Variants in UNC13A observed in about 807,000 individuals in gnomAD.
UNC13A encodes unc-13 homolog A.
Under a neutral mutation model 219.7 loss-of-function variants are expected in UNC13A, and 61 were observed. The observed-to-expected ratio is 0.28, with a 90% confidence interval of 0.23 to 0.34. UNC13A has a LOEUF of 0.34. Among genes scored for constraint, UNC13A ranks in the 10% least tolerant of loss-of-function variants. UNC13A has a pLI of 1.00. For missense variants in UNC13A, 1,476 were observed against 2,270.3 expected (o/e 0.65, Z 7.11); for synonymous variants, 920 against 884.6 (o/e 1.04, Z -0.71).
chr19:17,635,229 G>A (rs2076901190), intron 26 of UNC13A, among the ~76,000 whole-genome samples: 1 of 151,872 alleles, frequency 6.6e-6, no homozygotes, highest in African/African-American at 2.4e-5. Context: ...TCAAACTCCT[G>A]ACCTCAAATG....
intron 29 of UNC13A, 114 bp downstream of exon 29, chr19:17,630,540 A>G (rs1265949234): frequency 7.9e-7 from 1 of 1,259,114 alleles, no homozygotes; most frequent in Non-Finnish European, 1.1e-6. Context: ...AACCATGAGC[A>G]AGACAAAGAT....
At chr19:17,619,624 G>A (rs1052240732) in intron 38 of UNC13A, among the ~76,000 whole-genome samples, 2 of 151,896 alleles carry the variant, frequency 1.3e-5, no homozygotes, top group African/African-American at 4.8e-5. Flanking sequence ...ATAGAGATGG[G>A]GTCTTGTTGT....
chr19:17,657,939 C>CCTGGATGGGTGAATTCTGCCCTT lies in UNC13A; in HGVS notation c.767+100_767+122dup, dbSNP rs1229877915. 1.7e-5 allele frequency: 17 copies of CCTGGATGGGTGAATTCTGCCCTT among 986,882 alleles called. No individual in the cohort carries two copies. The African/African-American group carries it at 2.3e-4, about 13-fold the overall frequency. The allele number at this position is 986,882 out of a possible 1,614,324, so 61.1% of individuals were successfully genotyped here. Reference sequence around the variant, plus strand: ...CACAAGAAAATGTGAATTCTGCCCTCCTGGATGGGTGAATTCTGCCCTTCT... The same window carrying CCTGGATGGGTGAATTCTGCCCTT: ...CACAAGAAAATGTGAATTCTGCCCTCCTGGATGGGTGAATTCTGCCCTTCTGGATGGGTGAATTCTGCCCTTCT... On this transcript the variant is annotated intron_variant, in intron 9 of 43. Coordinates refer to ENST00000519716, the MANE Select transcript of UNC13A (RefSeq NM_001080421.3).
At chr19:17,669,514 G>A in intron 5 of UNC13A, 39 bp downstream of exon 5, 1 of 1,604,654 alleles carries the variant, frequency 6.2e-7, no homozygotes, top group Middle Eastern at 1.7e-4. Context: ...CCACAACTGG[G>A]GCTGGGGCTG....
At chr19:17,667,351 CTG>C (rs1276047376) in intron 6 of UNC13A, among the ~76,000 whole-genome samples, 3 of 152,174 alleles carry the variant, frequency 2.0e-5, no homozygotes, top group Non-Finnish European at 2.9e-5. Context: ...CCGTTAGGTA[CTG>C]TGTTTACAAT....
intron 1 of UNC13A, among the ~76,000 whole-genome samples, chr19:17,686,640 G>A (rs1046804398): frequency 6.6e-6 from 1 of 151,940 alleles, no homozygotes; most frequent in Admixed American, 6.6e-5. Flanking sequence ...TTTGACTCTA[G>A]GGACCCTTCT....
intron 33 of UNC13A, 111 bp from the exon 34 acceptor site, chr19:17,626,896 G>T: frequency 7.0e-7 from 1 of 1,421,866 alleles, no homozygotes; most frequent in Non-Finnish European, 9.3e-7. Context: ...ACATAACCGA[G>T]CAAGAATGGA....
chr19:17,638,338 C>T (rs567425916), intron 25 of UNC13A, among the ~76,000 whole-genome samples: 4 of 152,028 alleles, frequency 2.6e-5, no homozygotes, highest in East Asian at 1.9e-4. Flanking sequence ...CATGGTGGTG[C>T]GTGCCTATAG....
chr19:17,652,507 C>A, intron 12 of UNC13A, 124 bp downstream of exon 12: 1 of 1,234,444 alleles, frequency 8.1e-7, no homozygotes, highest in Non-Finnish European at 1.2e-6. Flanking sequence ...TTTGCCCAAG[C>A]TCAATCTGTC....
chr19:17,618,239 C>T (rs7245792), intron 40 of UNC13A, among the ~76,000 whole-genome samples, 182 bp downstream of exon 40: 2,311 of 152,344 alleles, frequency 0.015, 71 homozygotes, highest in African/African-American at 0.052. Context: ...CAGTCTTCCC[C>T]GACCTGGGGC....
At chr19:17,619,093 G>A (rs1452394701) in intron 38 of UNC13A, 131 bp from the exon 39 acceptor site, 5 of 821,436 alleles carry the variant, frequency 6.1e-6, no homozygotes, top group South Asian at 1.5e-5. Flanking sequence ...ACAGAGGTCT[G>A]GAATTCCCCA....
chr19:17,652,389 C>T (rs2079365272), intron 12 of UNC13A, among the ~76,000 whole-genome samples: 1 of 152,192 alleles, frequency 6.6e-6, no homozygotes, highest in Non-Finnish European at 1.5e-5. Context: ...GCCTCGGCCT[C>T]CCAAAGTGCT....
chr19:17,677,009 T>G (rs1294633892), intron 1 of UNC13A, among the ~76,000 whole-genome samples: 1 of 152,054 alleles, frequency 6.6e-6, no homozygotes, highest in African/African-American at 2.4e-5. Context: ...GTGAGATTCT[T>G]GTCTCAACAA....
At position 17,649,010 on chromosome 19, in the gene UNC13A, G is replaced by C. The variant is rs542792975; in HGVS notation, c.1525-27C>G. The C allele has an allele frequency of 2.0e-5, 32 of 1,568,268 alleles. No homozygotes were observed. In the African/African-American group the frequency reaches 3.9e-4, roughly 19 times the overall value. On this transcript the variant is annotated intron_variant, in intron 14 of 43. Coordinates refer to ENST00000519716, the MANE Select transcript of UNC13A (RefSeq NM_001080421.3). The surrounding 1 kb of genome is among the most constrained non-coding windows in gnomAD (Gnocchi z 4.4). ...TGGGGAGGTCACAGAAGAGGGAGTCGGGGGGGTTGACATCCATGAGATCAC... is the reference window on the plus strand; with the variant it reads ...TGGGGAGGTCACAGAAGAGGGAGTCCGGGGGGTTGACATCCATGAGATCAC...
intron 1 of UNC13A, among the ~76,000 whole-genome samples, chr19:17,682,825 G>A (rs1202565602): frequency 6.6e-6 from 1 of 152,176 alleles, no homozygotes; most frequent in African/African-American, 2.4e-5. Flanking sequence ...CACTTTGGGA[G>A]GCCAAAGCAG....
intron 1 of UNC13A, among the ~76,000 whole-genome samples, chr19:17,684,782 C>T (rs1428735651): frequency 6.6e-6 from 1 of 152,180 alleles, no homozygotes; most frequent in Non-Finnish European, 1.5e-5. Context: ...TGCATGTGTG[C>T]AGAGTATGTG....
chr19:17,628,315 T>TTAC, intron 31 of UNC13A: 1 of 195,722 alleles, frequency 5.1e-6, no homozygotes, highest in Non-Finnish European at 1.0e-5. Flanking sequence ...TGAAGGCGTG[T>TTAC]GCCCTCACCC....
intron 1 of UNC13A, among the ~76,000 whole-genome samples, chr19:17,682,798 C>T (rs2080042897): frequency 6.6e-6 from 1 of 152,192 alleles, no homozygotes; most frequent in South Asian, 2.1e-4. Context: ...CACAGTGGCT[C>T]ATGCCTGTAA....
At chr19:17,633,030 C>T in intron 27 of UNC13A, 78 bp downstream of exon 27, 1 of 1,605,862 alleles carries the variant, frequency 6.2e-7, no homozygotes, top group Non-Finnish European at 8.5e-7. Flanking sequence ...TTATAGGGTG[C>T]TCACAGCCTT....
Sources: gnomAD v4.1 joint callset for allele counts (sites outside exome capture counted in the v4.1 genomes callset) on GRCh38, gnomAD v4.1.1 for gene constraint, Gnocchi (gnomAD v3.1) non-coding constraint, MANE v1.5 for transcripts, NCBI Gene and HGNC (gene_info 2026-07-23, HGNC 2026-07-21) for gene names.